The following ITGAE variants were observed in gnomAD, a reference collection of about 807,000 sequenced individuals.
The protein encoded by ITGAE is integrin alpha-E.
A neutral mutation model predicts 136.5 loss-of-function variants in ITGAE; 99 were observed. The ratio of observed to expected loss-of-function variants is 0.73; its 90% confidence interval spans 0.62 to 0.86. The LOEUF is 0.86. Among genes scored for constraint, ITGAE ranks in the 40% least tolerant of loss-of-function variants. ITGAE has a pLI of 0.00. For missense variants in ITGAE, 1,447 were observed against 1,515.3 expected (o/e 0.95, Z 0.75); for synonymous variants, 613 against 591.8 (o/e 1.04, Z -0.52).
chr17:3,751,363 G>A (rs781037363), intron 15 of ITGAE, among the ~76,000 whole-genome samples: 25 of 151,938 alleles, frequency 1.6e-4, no homozygotes, highest in Non-Finnish European at 2.5e-4. Context: ...GTGGAAGGAG[G>A]GGGTATAGGC....
At chr17:3,722,987 A>C (rs1016693444) in intron 28 of ITGAE, among the ~76,000 whole-genome samples, 14 of 152,198 alleles carry the variant, frequency 9.2e-5, no homozygotes, top group Non-Finnish European at 2.1e-4. Flanking sequence ...GGAAATGGAG[A>C]GAAGTGAATG....
At chr17:3,794,567 G>A (rs1261642563) in intron 1 of ITGAE, among the ~76,000 whole-genome samples, 1 of 152,170 alleles carries the variant, frequency 6.6e-6, no homozygotes, top group Non-Finnish European at 1.5e-5. Context: ...GCCACTTACA[G>A]CCTACATAGA....
intron 20 of ITGAE, 55 bp from the exon 21 acceptor site, chr17:3,735,004 A>G (rs913109374): frequency 9.6e-5 from 153 of 1,596,800 alleles, no homozygotes; most frequent in Non-Finnish European, 1.2e-4. Context: ...AAAAACCTCA[A>G]CGCAATACAA....
At chr17:3,724,947 C>G in intron 26 of ITGAE, 1 of 1,613,738 alleles carries the variant, frequency 6.2e-7, no homozygotes, top group Non-Finnish European at 8.5e-7. Context: ...TAGATCAAGC[C>G]GGAAGAGCAA....
chr17:3,738,296 C>T (rs928669110), intron 20 of ITGAE, among the ~76,000 whole-genome samples: 1 of 151,914 alleles, frequency 6.6e-6, no homozygotes, highest in African/African-American at 2.4e-5. Context: ...TCAGCCTGCC[C>T]AGTAGCTGTG....
intron 16 of ITGAE, among the ~76,000 whole-genome samples, chr17:3,749,075 G>A (rs1365804739): frequency 6.6e-6 from 1 of 152,046 alleles, no homozygotes; most frequent in Non-Finnish European, 1.5e-5. Flanking sequence ...CTGGTCTGGA[G>A]GCAGAGCCAA....
chr17:3,753,702 C>G, intron 13 of ITGAE, 81 bp downstream of exon 13: 1 of 1,551,860 alleles, frequency 6.4e-7, no homozygotes, highest in Non-Finnish European at 8.8e-7. Context: ...CCACTGTGCA[C>G]CGTGGGACCC....
At chr17:3,737,801 G>T (rs2051492670) in intron 20 of ITGAE, among the ~76,000 whole-genome samples, 1 of 152,168 alleles carries the variant, frequency 6.6e-6, no homozygotes, top group African/African-American at 2.4e-5. Context: ...AAACCACTGA[G>T]ACAGCTGGAC....
At chr17:3,795,310 A>G (rs2053038431) in intron 1 of ITGAE, among the ~76,000 whole-genome samples, 1 of 152,210 alleles carries the variant, frequency 6.6e-6, no homozygotes, top group Non-Finnish European at 1.5e-5. Context: ...AGCTCAGCGC[A>G]GGGCCAGGCC....
chr17:3,741,484 C>T (rs1002053707), intron 19 of ITGAE, among the ~76,000 whole-genome samples: 2 of 152,132 alleles, frequency 1.3e-5, no homozygotes, highest in South Asian at 2.1e-4. Context: ...CCAGCCAGAA[C>T]GCACTCTCTG....
chr17:3,792,238 C>T (rs1395997186), intron 1 of ITGAE, among the ~76,000 whole-genome samples: 3 of 152,264 alleles, frequency 2.0e-5, no homozygotes, highest in East Asian at 1.9e-4. Context: ...TCTCCTGCCT[C>T]GGCCTCCTGA....
chr17:3,777,086 G>A (rs1367507084), intron 2 of ITGAE, among the ~76,000 whole-genome samples: 8 of 151,408 alleles, frequency 5.3e-5, no homozygotes, highest in African/African-American at 1.7e-4. Context: ...TCAGCCTCCT[G>A]AGTAGCTGGG....
At chr17:3,715,539 T>C (rs1017491442) in intron 30 of ITGAE, among the ~76,000 whole-genome samples, 15 of 152,000 alleles carry the variant, frequency 9.9e-5, no homozygotes, top group African/African-American at 3.6e-4. Flanking sequence ...CACGAACCTA[T>C]TTAGGGAATA....
At chr17:3,752,215 G>A (rs1291833869) in intron 14 of ITGAE, among the ~76,000 whole-genome samples, 1 of 152,206 alleles carries the variant, frequency 6.6e-6, no homozygotes, top group Non-Finnish European at 1.5e-5. Flanking sequence ...GGAAGTTCAG[G>A]AGTCAGAGCC....
In ITGAE at chr17:3,751,838, G is replaced by T; in HGVS notation, c.1705C>A (p.His569Asn). The change falls in exon 15 of 31, where the codon CAC becomes AAC. Residue 569 changes from histidine to asparagine, a missense_variant. His to Asn is a moderately conservative substitution (Grantham distance 68). Around this residue, in one of 3 missense-constraint regions of ITGAE, gnomAD observed 1,031 missense variants for 1,011.4 expected, o/e 1.02. Coordinates refer to ENST00000263087, the MANE Select transcript of ITGAE (RefSeq NM_002208.5). ...AAGCGGGCATTGGTGAACCCGGGGTGCCCACTCAGTATGCGTGCCAAGGAG... is the reference window on the plus strand; with the variant it reads ...AAGCGGGCATTGGTGAACCCGGGGTTCCCACTCAGTATGCGTGCCAAGGAG... ...SFSLARILSG[H>N]PGFTNARFGF... 6.2e-7 allele frequency: 1 copy of T among 1,614,082 alleles called. No individual in the cohort carries two copies. The highest frequency in any genetic ancestry group is 1.1e-5 in the South Asian group (1 of 91,086).
chr17:3,758,085 C>G (rs1051659188), intron 8 of ITGAE, among the ~76,000 whole-genome samples: 32 of 152,192 alleles, frequency 2.1e-4, no homozygotes, highest in Admixed American at 1.5e-3. Flanking sequence ...CAGGAAGGTA[C>G]TGCCTGGCAG....
chr17:3,724,335 C>T (rs1384398019), intron 26 of ITGAE: 4 of 1,591,318 alleles, frequency 2.5e-6, no homozygotes, highest in Non-Finnish European at 3.4e-6. Context: ...CGGCCCGCTC[C>T]GACTTCCGCC....
At chr17:3,761,375 C>A (rs758622603) in intron 5 of ITGAE, 28 bp downstream of exon 5, 1 of 1,596,324 alleles carries the variant, frequency 6.3e-7, no homozygotes, top group Non-Finnish European at 8.5e-7. Context: ...TTAGAGCTAT[C>A]CAAGGCCAGT....
At chr17:3,730,716 A>G (rs904808375) in intron 23 of ITGAE, among the ~76,000 whole-genome samples, 10 of 152,102 alleles carry the variant, frequency 6.6e-5, no homozygotes, top group African/African-American at 2.2e-4. Context: ...AAACAGGCAC[A>G]GCCTCTGGTG....
Sources: gnomAD v4.1 joint callset for allele counts (sites outside exome capture counted in the v4.1 genomes callset) on GRCh38, gnomAD v4.1.1 for gene constraint, gnomAD v4.1.1 regional missense constraint, MANE v1.5 for transcripts, NCBI Gene and HGNC (gene_info 2026-07-23, HGNC 2026-07-21) for gene names.